The following SAMD12 variants were observed in gnomAD, a reference collection of about 807,000 sequenced individuals.
SAMD12 encodes sterile alpha motif domain-containing protein 12.
SAMD12 carries 9 observed loss-of-function variants against 15.0 expected under a neutral mutation model. The observed-to-expected ratio is 0.60, with a 90% CI of 0.36 to 1.05. The LOEUF is 1.05. Ranked by LOEUF, SAMD12 falls within the 50% of genes least tolerant of loss-of-function variation. The pLI is 0.01. For synonymous variants in SAMD12, 86 were observed against 90.1 expected, an observed-to-expected ratio of 0.96 and a Z score of 0.25; for missense variants, 230 against 234.2, an observed-to-expected ratio of 0.98 and a Z score of 0.12.
chr8:118,512,121 T>C lies in SAMD12; in HGVS notation c.192+68594A>G, dbSNP rs1482999248. ...GGATCTATATTGTTTTTGGAGCACC[T>C]ATCTAATACTCCCAGGCATGAATAT... On this transcript the variant is annotated intron_variant, in intron 2 of 3. Coordinates refer to ENST00000314727, the MANE Select transcript of SAMD12 (RefSeq NM_207506.3). 2.0e-5 allele frequency among the ~76,000 whole-genome samples: 3 copies of C among 152,202 alleles called. 1 individual carries two copies. Among genetic ancestry groups the C allele is most frequent in the Admixed American group, 1.3e-4 (2 of 15,284 alleles).
intron 2 of SAMD12, among the ~76,000 whole-genome samples, chr8:118,444,423 A>G (rs1462633279): frequency 6.6e-6 from 1 of 152,136 alleles, no homozygotes; most frequent in Admixed American, 6.6e-5. Context: ...CTTGCTACAG[A>G]CAATCTGAAA....
At chr8:118,592,600 G>C (rs531777678) in intron 1 of SAMD12, among the ~76,000 whole-genome samples, 7 of 152,168 alleles carry the variant, frequency 4.6e-5, no homozygotes, top group Non-Finnish European at 7.4e-5. Context: ...CATAGAAAGT[G>C]GTACATAGAA....
intron 2 of SAMD12, among the ~76,000 whole-genome samples, chr8:118,544,280 A>G (rs1468786608): frequency 6.6e-6 from 1 of 152,190 alleles, no homozygotes; most frequent in African/African-American, 2.4e-5. Context: ...ACAAAGTTCT[A>G]AGGGCTTGGT....
At chr8:118,165,622 A>ACACATATATACATATATATGTG in the SAMD12 span, among the ~76,000 whole-genome samples, 1 of 135,860 alleles carries the variant, frequency 7.4e-6, no homozygotes, top group African/African-American at 3.2e-5. Context: ...ATGTATATAT[A>ACACATATATACATATATATGTG]TATATATATA....
At chr8:118,517,774 G>A (rs956661455) in intron 2 of SAMD12, among the ~76,000 whole-genome samples, 1 of 152,170 alleles carries the variant, frequency 6.6e-6, no homozygotes, top group Non-Finnish European at 1.5e-5. Flanking sequence ...GCTTTTGAAT[G>A]GGTGAGTTTG....
rs145407033 is a variant in SAMD12 at position 118,417,426 on chromosome 8, C to T, written c.322+22406G>A. Among the ~76,000 whole-genome samples, 1,310 of 152,184 alleles carry T rather than the reference C, an allele frequency of 8.6e-3. 22 individuals are homozygous for T. The highest frequency in any genetic ancestry group is 0.029 in the African/African-American group (1,202 of 41,524). On this transcript the variant is annotated intron_variant, in intron 3 of 3. Coordinates refer to ENST00000314727, the MANE Select transcript of SAMD12 (RefSeq NM_207506.3). Reference sequence around the variant, plus strand: ...GAAGGAGCCCAAATTCCTTCTTAGGCTTCTTTGTGTTTCCATTCTAGTAGA... The same window carrying T: ...GAAGGAGCCCAAATTCCTTCTTAGGTTTCTTTGTGTTTCCATTCTAGTAGA...
chr8:118,210,430 G>C (rs970855605), intron 4 of SAMD12, among the ~76,000 whole-genome samples: 1 of 152,144 alleles, frequency 6.6e-6, no homozygotes, highest in African/African-American at 2.4e-5. Flanking sequence ...CCTGGAATCT[G>C]TTATTGTTAA....
chr8:118,320,457 CT>C (rs1816172936), intron 4 of SAMD12, among the ~76,000 whole-genome samples: 1 of 151,932 alleles, frequency 6.6e-6, no homozygotes, highest in Admixed American at 6.6e-5. Flanking sequence ...TTTTTATTTT[CT>C]TTTTTTGTTT....
chr8:118,265,931 A>G (rs1401911617), intron 4 of SAMD12, among the ~76,000 whole-genome samples: 2 of 152,066 alleles, frequency 1.3e-5, no homozygotes, highest in African/African-American at 4.8e-5. Flanking sequence ...CATGAATATC[A>G]CCTTTTATTA....
intron 1 of SAMD12, among the ~76,000 whole-genome samples, chr8:118,616,281 T>TCTCATTA (rs1828237357): frequency 6.6e-6 from 1 of 152,184 alleles, no homozygotes; most frequent in Non-Finnish European, 1.5e-5. Context: ...GTATGGGAGT[T>TCTCATTA]ACTGTGGGAA....
At chr8:118,287,073 GA>G in intron 4 of SAMD12, among the ~76,000 whole-genome samples, 1 of 151,186 alleles carries the variant, frequency 6.6e-6, no homozygotes, top group Admixed American at 6.6e-5. Context: ...TGGAATGTAA[GA>G]AACAACAAAC....
chr8:118,317,888 T>C (rs1815999645), intron 4 of SAMD12, among the ~76,000 whole-genome samples: 1 of 152,054 alleles, frequency 6.6e-6, no homozygotes, highest in Non-Finnish European at 1.5e-5. Flanking sequence ...AGTAGGCAAA[T>C]GACATGAACA....
the SAMD12 span, among the ~76,000 whole-genome samples, chr8:118,178,774 C>T: frequency 6.6e-6 from 1 of 152,162 alleles, no homozygotes; most frequent in African/African-American, 2.4e-5. Flanking sequence ...CCACACATTT[C>T]TTATATTGAA....
intron 1 of SAMD12, among the ~76,000 whole-genome samples, chr8:118,604,846 C>A (rs1051169526): frequency 6.6e-6 from 1 of 151,814 alleles, no homozygotes; most frequent in Non-Finnish European, 1.5e-5. Context: ...GGCATGAACC[C>A]GGGGGACGGA....
intron 3 of SAMD12, among the ~76,000 whole-genome samples, chr8:118,431,197 C>A (rs1822395034): frequency 6.6e-6 from 1 of 152,068 alleles, no homozygotes; most frequent in Non-Finnish European, 1.5e-5. Context: ...TGTGGCATTG[C>A]TGTTATTCAT....
the SAMD12 span, among the ~76,000 whole-genome samples, chr8:118,155,244 G>C: frequency 6.6e-6 from 1 of 152,090 alleles, no homozygotes; most frequent in South Asian, 2.1e-4. Context: ...GGTAGGAAAT[G>C]CTGTTGCATT....
the SAMD12 span, among the ~76,000 whole-genome samples, chr8:118,165,491 A>C: frequency 1.7e-4 from 26 of 151,398 alleles, no homozygotes; most frequent in East Asian, 3.0e-3. Context: ...CCTGGCCTCA[A>C]GTTATCCACC....
At chr8:118,293,105 AT>A (rs34595061) in intron 4 of SAMD12, among the ~76,000 whole-genome samples, 28,053 of 150,794 alleles carry the variant, frequency 0.19, 2,684 homozygotes, top group Middle Eastern at 0.21. Context: ...CAAATTGGGC[AT>A]TTTTTTTTTC....
intron 3 of SAMD12, among the ~76,000 whole-genome samples, chr8:118,429,158 A>G (rs747309510): frequency 3.9e-5 from 6 of 152,186 alleles, no homozygotes; most frequent in Non-Finnish European, 5.9e-5. Context: ...TATTTTGTTT[A>G]GCTATTACAT....
Sources: gnomAD v4.1 joint callset for allele counts (sites outside exome capture counted in the v4.1 genomes callset) on GRCh38, gnomAD v4.1.1 for gene constraint, MANE v1.5 for transcripts, NCBI Gene and HGNC (gene_info 2026-07-23, HGNC 2026-07-21) for gene names.